Variants in PTPRD observed in about 807,000 individuals in gnomAD.
The protein encoded by PTPRD is protein tyrosine phosphatase receptor type D.
A neutral mutation model predicts 214.5 loss-of-function variants in PTPRD; 34 were observed. The ratio of observed to expected loss-of-function variants is 0.16; its 90% confidence interval spans 0.12 to 0.21. PTPRD has a LOEUF of 0.21. PTPRD is among the 10% of genes least tolerant of loss of function. The pLI is 1.00. For missense variants in PTPRD, 2,545 were observed against 2,398.7 expected (o/e 1.06, Z -1.27); for synonymous variants, 1,128 against 845.7 (o/e 1.33, Z -5.79).
intron 44 of PTPRD, among the ~76,000 whole-genome samples, chr9:8,322,608 T>G (rs182558532): frequency 3.3e-5 from 5 of 152,308 alleles, no homozygotes; most frequent in East Asian, 1.9e-4. Context: ...GGTTGGCTTA[T>G]GAGGTTTAAG....
intron 2 of PTPRD, among the ~76,000 whole-genome samples, chr9:10,574,765 A>ATGTG (rs34013585): frequency 4.7e-5 from 7 of 148,484 alleles, no homozygotes; most frequent in South Asian, 2.1e-4. Flanking sequence ...TCAAATATAT[A>ATGTG]TGTGTGTGTG....
At chr9:9,972,154 C>T (rs567083768) in intron 4 of PTPRD, among the ~76,000 whole-genome samples, 41 of 152,230 alleles carry the variant, frequency 2.7e-4, no homozygotes, top group Non-Finnish European at 5.6e-4. Context: ...AGAAACATGA[C>T]TTTGAATTAT....
intron 11 of PTPRD, among the ~76,000 whole-genome samples, chr9:8,976,940 A>G (rs1194648040): frequency 6.6e-6 from 1 of 152,010 alleles, no homozygotes; most frequent in Non-Finnish European, 1.5e-5. Flanking sequence ...CTTCAGTTCT[A>G]CTTCTCCATT....
chr9:9,059,192 A>C (rs2099702705), intron 10 of PTPRD, among the ~76,000 whole-genome samples: 1 of 152,228 alleles, frequency 6.6e-6, no homozygotes, highest in Non-Finnish European at 1.5e-5. Context: ...TAGTAGAGTC[A>C]ATACATTTTC....
chr9:9,208,832 G>C (rs1288360297), intron 9 of PTPRD, among the ~76,000 whole-genome samples: 1 of 151,530 alleles, frequency 6.6e-6, no homozygotes, highest in Non-Finnish European at 1.5e-5. Flanking sequence ...CTTTGAGATG[G>C]AGTCTCGCTC....
At chr9:10,046,976 C>A (rs2097410939) in intron 3 of PTPRD, among the ~76,000 whole-genome samples, 1 of 151,774 alleles carries the variant, frequency 6.6e-6, no homozygotes, top group African/African-American at 2.4e-5. Context: ...ATCAAATATG[C>A]ATGGAAATTG....
chr9:9,121,027 CG>C (rs1026954906), intron 10 of PTPRD, among the ~76,000 whole-genome samples: 4 of 152,012 alleles, frequency 2.6e-5, no homozygotes, highest in African/African-American at 9.7e-5. Context: ...CTGCTTTTAG[CG>C]GTGAGGAAAA....
intron 3 of PTPRD, among the ~76,000 whole-genome samples, chr9:10,221,672 A>G (rs188907904): frequency 1.2e-4 from 18 of 152,116 alleles, no homozygotes; most frequent in Non-Finnish European, 1.8e-4. Context: ...AAATAGATGT[A>G]TTTTTAAGAA....
chr9:8,552,974 G>C (rs2082559680), intron 14 of PTPRD, among the ~76,000 whole-genome samples: 2 of 152,124 alleles, frequency 1.3e-5, no homozygotes, highest in African/African-American at 4.8e-5. Flanking sequence ...GCATTACCCA[G>C]CCATCAGCTA....
intron 8 of PTPRD, among the ~76,000 whole-genome samples, chr9:9,506,800 T>C (rs1210486224): frequency 6.6e-6 from 1 of 151,312 alleles, no homozygotes; most frequent in East Asian, 1.9e-4. Flanking sequence ...TTAAAGGTAT[T>C]TCTTAGTTGA....
chr9:10,368,712 T>C (rs1038876972), intron 2 of PTPRD, among the ~76,000 whole-genome samples: 19 of 152,104 alleles, frequency 1.2e-4, no homozygotes, highest in Admixed American at 4.6e-4. Context: ...AAGTCTAGCA[T>C]AATCTTTTCT....
At chr9:10,105,544 A>C (rs1284917295) in intron 3 of PTPRD, among the ~76,000 whole-genome samples, 1 of 151,850 alleles carries the variant, frequency 6.6e-6, no homozygotes, top group Non-Finnish European at 1.5e-5. Flanking sequence ...GAGATGAAGC[A>C]GTTCAGTTAG....
At chr9:8,474,535 A>C (rs970792063) in intron 30 of PTPRD, among the ~76,000 whole-genome samples, 1 of 152,222 alleles carries the variant, frequency 6.6e-6, no homozygotes, top group East Asian at 1.9e-4. Flanking sequence ...ACAGGGCAGA[A>C]TAATGCCATA....
At chr9:9,090,521 C>CTAG (rs2154431217) in intron 10 of PTPRD, among the ~76,000 whole-genome samples, 1 of 152,228 alleles carries the variant, frequency 6.6e-6, no homozygotes, top group Admixed American at 6.5e-5. Context: ...TATAATCATT[C>CTAG]TAGTATTTCC....
chr9:8,967,501 A>G (rs1433551), intron 11 of PTPRD, among the ~76,000 whole-genome samples: 59,177 of 151,874 alleles, frequency 0.39, 12,123 homozygotes, highest in East Asian at 0.5. Flanking sequence ...ATAAAAAAAT[A>G]AAAACCATGT....
intron 11 of PTPRD, 104 bp from the exon 12 acceptor site, chr9:8,734,050 A>T (rs1029914922): frequency 8.3e-5 from 49 of 588,938 alleles, no homozygotes; most frequent in Non-Finnish European, 1.4e-4. Context: ...TGACAGACAC[A>T]ATCCATTGTA....
At chr9:9,752,048 A>G (rs2098525657) in intron 6 of PTPRD, among the ~76,000 whole-genome samples, 1 of 152,110 alleles carries the variant, frequency 6.6e-6, no homozygotes, top group African/African-American at 2.4e-5. Flanking sequence ...ATAAGAAAAT[A>G]TTCCAGTGGT....
At chr9:8,709,825 G>T (rs1051424852) in intron 12 of PTPRD, among the ~76,000 whole-genome samples, 2 of 152,180 alleles carry the variant, frequency 1.3e-5, no homozygotes, top group African/African-American at 4.8e-5. Context: ...AATATGTTTG[G>T]TGTGCTAAGG....
chr9:9,444,613 T>G (rs2089688059), intron 8 of PTPRD, among the ~76,000 whole-genome samples: 1 of 152,168 alleles, frequency 6.6e-6, no homozygotes, highest in Admixed American at 6.5e-5. Context: ...TCAATATTCT[T>G]GGCCCTTTTC....
Sources: gnomAD v4.1 joint callset for allele counts (sites outside exome capture counted in the v4.1 genomes callset) on GRCh38, gnomAD v4.1.1 for gene constraint, MANE v1.5 for transcripts, NCBI Gene and HGNC (gene_info 2026-07-23, HGNC 2026-07-21) for gene names.